LINGO2: variants seen among roughly 807,000 people sequenced by gnomAD.
LINGO2 encodes leucine-rich repeat and immunoglobulin-like domain-containing nogo receptor-interacting protein 2.
In LINGO2, 14 loss-of-function variants were observed where a neutral mutation model predicts 30.6. That is an observed-to-expected ratio of 0.46 (90% CI 0.30 to 0.72). LINGO2 has a LOEUF of 0.72. Ranked by LOEUF, LINGO2 falls within the 30% of genes least tolerant of loss-of-function variation. The pLI, the probability that LINGO2 is intolerant of heterozygous loss-of-function variation, is 0.07. For missense variants in LINGO2, 729 were observed against 751.7 expected, an observed-to-expected ratio of 0.97 and a Z score of 0.35; for synonymous variants, 317 against 288.5, an observed-to-expected ratio of 1.10 and a Z score of -1.00.
intron 1 of LINGO2, among the ~76,000 whole-genome samples, chr9:28,575,556 G>A (rs950749391): frequency 2.8e-4 from 43 of 152,114 alleles, no homozygotes; most frequent in African/African-American, 1.0e-3. Flanking sequence ...AAGAGAGGAG[G>A]TGGGGGCAAG....
chr9:28,338,059 A>G (rs772666615), intron 3 of LINGO2, among the ~76,000 whole-genome samples: 1 of 152,148 alleles, frequency 6.6e-6, no homozygotes, highest in Non-Finnish European at 1.5e-5. Flanking sequence ...ACAGAAACTC[A>G]ATGCCAGCCT....
At chr9:28,567,983 T>A (rs968557754) in intron 1 of LINGO2, among the ~76,000 whole-genome samples, 1 of 151,948 alleles carries the variant, frequency 6.6e-6, no homozygotes, top group Admixed American at 6.6e-5. Flanking sequence ...AATAAAAGAT[T>A]CAGCAAATCA....
chr9:28,132,178 T>C (rs1587051688), intron 4 of LINGO2, among the ~76,000 whole-genome samples: 2 of 152,336 alleles, frequency 1.3e-5, no homozygotes, highest in South Asian at 4.1e-4. Flanking sequence ...ACAAAATCTT[T>C]TGCATATTAT....
the LINGO2 span, among the ~76,000 whole-genome samples, chr9:28,995,276 C>T: frequency 1.3e-5 from 2 of 152,130 alleles, no homozygotes; most frequent in Non-Finnish European, 2.9e-5. Context: ...AAAATGCTCA[C>T]CATCACTGGC....
Position 28,249,710 on chromosome 9 carries a change from TA to T in LINGO2, c.-87+45497del, listed in dbSNP as rs573441163. On this transcript the variant is annotated intron_variant, in intron 4 of 5. Coordinates refer to ENST00000379992, the Ensembl canonical transcript of LINGO2. Reference sequence around the variant, plus strand: ...TAATGAGACGGCAAGCATGCATGAATAATTATTTTTACTTACTGTTCTCATT... The same window carrying T: ...TAATGAGACGGCAAGCATGCATGAATATTATTTTTACTTACTGTTCTCATT... 8.2e-4 allele frequency among the ~76,000 whole-genome samples: 125 copies of T among 152,282 alleles called. 1 individual carries two copies. Among genetic ancestry groups the T allele is most frequent in the Non-Finnish European group, 2.2e-4 (15 of 68,006 alleles).
At chr9:28,178,996 T>C (rs1203547206) in intron 4 of LINGO2, among the ~76,000 whole-genome samples, 2 of 152,062 alleles carry the variant, frequency 1.3e-5, no homozygotes, top group African/African-American at 4.8e-5. Flanking sequence ...GAGAGACAAA[T>C]TGAGACTCAA....
the LINGO2 span, among the ~76,000 whole-genome samples, chr9:28,888,111 A>G: frequency 1.3e-5 from 2 of 152,106 alleles, no homozygotes; most frequent in African/African-American, 2.4e-5. Context: ...TTCTAAGTGA[A>G]TTTGAAAGTA....
intron 4 of LINGO2, among the ~76,000 whole-genome samples, chr9:28,079,207 A>T (rs1000491940): frequency 6.6e-6 from 1 of 152,204 alleles, no homozygotes; most frequent in Admixed American, 6.5e-5. Flanking sequence ...TTTAATATAG[A>T]TAACTGGAAA....
the LINGO2 span, among the ~76,000 whole-genome samples, chr9:29,104,423 C>T: frequency 6.6e-6 from 1 of 152,116 alleles, no homozygotes; most frequent in Admixed American, 6.5e-5. Flanking sequence ...TTCTCCTTTA[C>T]CTTCCACCAC....
At chr9:28,522,338 C>T (rs1429419205) in intron 1 of LINGO2, among the ~76,000 whole-genome samples, 1 of 152,110 alleles carries the variant, frequency 6.6e-6, no homozygotes, top group East Asian at 1.9e-4. Context: ...TCAAAGGAGA[C>T]AGATCTCAGA....
chr9:28,364,759 A>C (rs1340004149), intron 3 of LINGO2, among the ~76,000 whole-genome samples: 3 of 152,196 alleles, frequency 2.0e-5, no homozygotes, highest in Non-Finnish European at 4.4e-5. Flanking sequence ...CTAAGTAAAT[A>C]TTTTGCATTA....
chr9:28,189,245 GAGGA>G (rs1564028540), intron 4 of LINGO2, among the ~76,000 whole-genome samples: 3 of 110,832 alleles, frequency 2.7e-5, no homozygotes, highest in East Asian at 3.1e-4. Context: ...AAAAGGAAGG[GAGGA>G]AGGGAGGAAG....
intron 3 of LINGO2, among the ~76,000 whole-genome samples, chr9:28,357,317 C>A (rs1031247062): frequency 1.7e-5 from 1 of 59,514 alleles, no homozygotes; most frequent in Non-Finnish European, 3.9e-5. Flanking sequence ...GAAATAAAGC[C>A]CACCCCCCCC....
chr9:28,283,282 G>C (rs552573177), intron 4 of LINGO2, among the ~76,000 whole-genome samples: 3 of 152,290 alleles, frequency 2.0e-5, no homozygotes, highest in African/African-American at 7.2e-5. Flanking sequence ...TGTGTCCATA[G>C]GTGTTTTGTT....
At chr9:28,323,221 G>T (rs73431371) in intron 3 of LINGO2, among the ~76,000 whole-genome samples, 2 of 152,122 alleles carry the variant, frequency 1.3e-5, no homozygotes, top group African/African-American at 4.8e-5. Context: ...TAAAATCTGT[G>T]GGCCTAATGG....
At chr9:28,883,504 T>C in the LINGO2 span, among the ~76,000 whole-genome samples, 5 of 151,468 alleles carry the variant, frequency 3.3e-5, no homozygotes, top group East Asian at 9.7e-4. Flanking sequence ...AAGCCCTCAT[T>C]TCCCCCACTC....
At chr9:28,611,681 T>C (rs566568740) in intron 1 of LINGO2, among the ~76,000 whole-genome samples, 2 of 152,288 alleles carry the variant, frequency 1.3e-5, no homozygotes, top group East Asian at 3.9e-4. Context: ...GCATAATGTC[T>C]TCCTGAGTCA....
intron 2 of LINGO2, among the ~76,000 whole-genome samples, chr9:28,466,808 T>C (rs1169346632): frequency 6.6e-6 from 1 of 152,218 alleles, no homozygotes. Context: ...AAAGTGTTTT[T>C]CTCTTTTATT....
chr9:29,193,716 T>C, the LINGO2 span, among the ~76,000 whole-genome samples: 1 of 152,188 alleles, frequency 6.6e-6, no homozygotes, highest in Non-Finnish European at 1.5e-5. Flanking sequence ...CCCCTGTCAC[T>C]CACTGTGTTG....
Sources: gnomAD v4.1 joint callset for allele counts (sites outside exome capture counted in the v4.1 genomes callset) on GRCh38, gnomAD v4.1.1 for gene constraint, MANE v1.5 for transcripts, NCBI Gene and HGNC (gene_info 2026-07-23, HGNC 2026-07-21) for gene names.